The following CDH18 variants were observed in gnomAD, a reference collection of about 807,000 sequenced individuals.
The protein encoded by CDH18 is cadherin 18.
A neutral mutation model predicts 67.9 loss-of-function variants in CDH18; 31 were observed. That is an observed-to-expected ratio of 0.46 (90% CI 0.34 to 0.62). CDH18 has a LOEUF of 0.62. CDH18 is among the 20% of genes least tolerant of loss of function. CDH18 has a pLI of 0.01. For missense variants in CDH18, 890 were observed against 975.5 expected, an observed-to-expected ratio of 0.91 and a Z score of 1.17; for synonymous variants, 362 against 347.2, an observed-to-expected ratio of 1.04 and a Z score of -0.48.
intron 5 of CDH18, among the ~76,000 whole-genome samples, chr5:19,634,766 T>C (rs960663623): frequency 6.6e-6 from 1 of 151,696 alleles, no homozygotes; most frequent in Non-Finnish European, 1.5e-5. Flanking sequence ...GGAGAAACTC[T>C]GTCTCTACTA....
chr5:20,181,593 T>C (rs1187073876), intron 2 of CDH18, among the ~76,000 whole-genome samples: 7 of 152,072 alleles, frequency 4.6e-5, no homozygotes, highest in Admixed American at 1.3e-4. Context: ...AACTGCTGAA[T>C]TTAGTGAGGT....
intron 2 of CDH18, among the ~76,000 whole-genome samples, chr5:20,193,619 T>C (rs1254137512): frequency 6.6e-6 from 1 of 152,060 alleles, no homozygotes; most frequent in African/African-American, 2.4e-5. Flanking sequence ...ATCATCCTGA[T>C]ACAAAAATCG....
At position 19,472,731 on chromosome 5, in the gene CDH18, A is replaced by G. The variant is rs1737756110; in HGVS notation, c.*495T>C. Reference sequence around the variant, plus strand: ...TGTAATATAAACACAAGACAAGGCTAATGAGATCTGTTATAATAACAGAGT... The same window carrying G: ...TGTAATATAAACACAAGACAAGGCTGATGAGATCTGTTATAATAACAGAGT... On this transcript the variant is annotated 3_prime_UTR_variant, in exon 13 of 13. Coordinates refer to ENST00000382275, the MANE Select transcript of CDH18 (RefSeq NM_004934.5). Among the ~76,000 whole-genome samples, 2 of 152,160 alleles carry G rather than the reference A, an allele frequency of 1.3e-5. No homozygotes were observed. Among genetic ancestry groups the G allele is most frequent in the South Asian group, 4.1e-4 (2 of 4,834 alleles).
intron 2 of CDH18, among the ~76,000 whole-genome samples, chr5:19,945,376 C>G (rs1293855549): frequency 6.6e-6 from 1 of 152,124 alleles, no homozygotes; most frequent in African/African-American, 2.4e-5. Flanking sequence ...AACCTACACA[C>G]TAAGCCAAAG....
intron 2 of CDH18, among the ~76,000 whole-genome samples, chr5:20,087,342 A>G (rs1437514061): frequency 6.6e-6 from 1 of 152,210 alleles, no homozygotes; most frequent in African/African-American, 2.4e-5. Context: ...ATTAAAAAAA[A>G]GACTTACCAT....
intron 3 of CDH18, among the ~76,000 whole-genome samples, chr5:19,782,966 C>T: frequency 6.6e-6 from 1 of 152,134 alleles, no homozygotes; most frequent in Non-Finnish European, 1.5e-5. Context: ...TATTTGATTT[C>T]ACCAAATGTC....
intron 3 of CDH18, among the ~76,000 whole-genome samples, chr5:19,810,059 G>A (rs776532717): frequency 7.2e-5 from 11 of 152,168 alleles, no homozygotes; most frequent in Non-Finnish European, 1.5e-4. Context: ...GCCTGGTGAG[G>A]TGGCTCCTGC....
chr5:20,285,380 C>CATATAATATA (rs55913504), intron 1 of CDH18, among the ~76,000 whole-genome samples: 2,202 of 140,342 alleles, frequency 0.016, 19 homozygotes, highest in South Asian at 0.02. Flanking sequence ...GTAATATGGC[C>CATATAATATA]ATATAATATA....
At chr5:20,040,916 A>G (rs1237427041) in intron 2 of CDH18, among the ~76,000 whole-genome samples, 1 of 152,228 alleles carries the variant, frequency 6.6e-6, no homozygotes, top group South Asian at 2.1e-4. Context: ...TCCACATTGC[A>G]CACAGATTGT....
In CDH18 at chr5:19,640,344, A is replaced by C. The variant is rs1753824624; in HGVS notation, c.644-27743T>G. Among the ~76,000 whole-genome samples, 3 of 152,304 alleles carry C rather than the reference A, an allele frequency of 2.0e-5. No individual in the cohort carries two copies. The South Asian group carries it at 6.2e-4, about 32-fold the overall frequency. On this transcript the variant is annotated intron_variant, in intron 5 of 12. Coordinates refer to ENST00000382275, the MANE Select transcript of CDH18 (RefSeq NM_004934.5). ...ACAAGGGTATTATATGTGGGTGAGG[A>C]GTAAGTGTAATGATTTGGTATACGA...
chr5:19,872,809 T>C lies in CDH18; in HGVS notation c.-256-33567A>G, dbSNP rs1036108651. On this transcript the variant is annotated intron_variant, in intron 2 of 12. Coordinates refer to ENST00000382275, the MANE Select transcript of CDH18 (RefSeq NM_004934.5). ...GTAATTTGTTACACAAAATAGAAAA[T>C]TAATATATGCCCAATCCCTCAAGTA... 2.8e-4 allele frequency among the ~76,000 whole-genome samples: 43 copies of C among 152,088 alleles called. 1 individual carries two copies. The highest frequency in any genetic ancestry group is 5.9e-5 in the Non-Finnish European group (4 of 68,020).
At chr5:19,811,114 G>T (rs576010194) in intron 3 of CDH18, among the ~76,000 whole-genome samples, 2 of 91,254 alleles carry the variant, frequency 2.2e-5, no homozygotes, top group Non-Finnish European at 4.4e-5. Flanking sequence ...AAGAAAGAAA[G>T]AAAGAAAGAA....
intron 1 of CDH18, among the ~76,000 whole-genome samples, chr5:20,296,598 C>T (rs1747556893): frequency 6.6e-6 from 1 of 151,884 alleles, no homozygotes; most frequent in Non-Finnish European, 1.5e-5. Flanking sequence ...ACTAAAACAC[C>T]TCAAAAAAGC....
intron 5 of CDH18, among the ~76,000 whole-genome samples, chr5:19,684,279 G>T (rs1260182679): frequency 6.6e-6 from 1 of 151,506 alleles, no homozygotes; most frequent in African/African-American, 2.4e-5. Context: ...ATAAATATAT[G>T]ATCTTATTTA....
intron 1 of CDH18, among the ~76,000 whole-genome samples, chr5:20,464,168 A>G (rs1751472454): frequency 6.6e-6 from 1 of 152,208 alleles, no homozygotes; most frequent in Non-Finnish European, 1.5e-5. Flanking sequence ...ACAGTATCTA[A>G]CAGACCAAGT....
chr5:20,313,354 A>T (rs1737166540), intron 1 of CDH18, among the ~76,000 whole-genome samples: 1 of 152,086 alleles, frequency 6.6e-6, no homozygotes, highest in Admixed American at 6.6e-5. Flanking sequence ...ACTGGGATAG[A>T]GACTGATTTT....
chr5:19,714,380 C>A (rs1347756650), intron 5 of CDH18, among the ~76,000 whole-genome samples: 2 of 152,074 alleles, frequency 1.3e-5, no homozygotes, highest in African/African-American at 4.8e-5. Context: ...CTAATGTCTA[C>A]TAGAATTTAA....
At chr5:20,222,863 A>G (rs1299797603) in intron 2 of CDH18, among the ~76,000 whole-genome samples, 1 of 152,104 alleles carries the variant, frequency 6.6e-6, no homozygotes, top group East Asian at 1.9e-4. Flanking sequence ...TTGAGTTTAC[A>G]TTTTTAAAAA....
At chr5:20,437,331 A>G (rs761531901) in intron 1 of CDH18, among the ~76,000 whole-genome samples, 14 of 151,294 alleles carry the variant, frequency 9.3e-5, no homozygotes, top group Non-Finnish European at 2.1e-4. Context: ...AATAAAATAG[A>G]CTCTTGCTTT....
Sources: gnomAD v4.1 joint callset for allele counts (sites outside exome capture counted in the v4.1 genomes callset) on GRCh38, gnomAD v4.1.1 for gene constraint, MANE v1.5 for transcripts, NCBI Gene and HGNC (gene_info 2026-07-23, HGNC 2026-07-21) for gene names.